Variants in SCYL3 observed in about 807,000 individuals in gnomAD.
SCYL3 encodes the protein SCY1 like pseudokinase 3.
SCYL3 carries 35 observed loss-of-function variants against 73.8 expected under a neutral mutation model. That is an observed-to-expected ratio of 0.47 (90% CI 0.36 to 0.63). SCYL3 has a LOEUF of 0.63. Ranked by LOEUF, SCYL3 falls within the 20% of genes least tolerant of loss-of-function variation. The probability of loss-of-function intolerance (pLI) is 0.00; values close to 1 mark genes in which losing one functional copy is unlikely to be tolerated. For missense variants in SCYL3, 712 were observed against 798.9 expected, an observed-to-expected ratio of 0.89 and a Z score of 1.31; for synonymous variants, 277 against 295.2, an observed-to-expected ratio of 0.94 and a Z score of 0.63.
rs1558102005 is a variant in SCYL3 at position 169,850,556 on chromosome 1, G to A, written c.*3157C>T. 2.4e-6 allele frequency: 1 copy of A among 424,372 alleles called. No individual in the cohort carries two copies. The highest frequency in any genetic ancestry group is 3.1e-5 in the South Asian group (1 of 32,134). 26.3% of individuals were successfully genotyped at this position (424,372 alleles called of 1,614,324 possible). A position where few individuals can be genotyped will look rare whatever the true frequency, so the allele number is the denominator to read the frequency against. ...CTCATGCCTGTAATCCCAGCACTTTGGGAGGCCAAGGTGGGTGGATCATGA... is the reference window on the plus strand; with the variant it reads ...CTCATGCCTGTAATCCCAGCACTTTAGGAGGCCAAGGTGGGTGGATCATGA... On this transcript the variant is annotated 3_prime_UTR_variant, in exon 13 of 13. Transcript: ENST00000367771.
intron 11 of SCYL3, among the ~76,000 whole-genome samples, chr1:169,857,949 T>C (rs1659319034): frequency 6.6e-6 from 1 of 152,186 alleles, no homozygotes; most frequent in African/African-American, 2.4e-5. Flanking sequence ...TAATGATACA[T>C]GGTATACCTG....
intron 5 of SCYL3, among the ~76,000 whole-genome samples, chr1:169,873,253 C>G (rs1660554454): frequency 6.6e-6 from 1 of 152,150 alleles, no homozygotes; most frequent in African/African-American, 2.4e-5. Context: ...GGGAATTTTC[C>G]TGCACAAGCT....
rs2102108547 is a variant in SCYL3, at chr1:169,852,775, A to C, written c.*938T>G. On this transcript the variant is annotated 3_prime_UTR_variant, in exon 13 of 13. Transcript: ENST00000367771. Reference sequence around the variant, plus strand: ...TAGAATGGATATTGTGATATTACTTATGTTTTTTTTCCAGCCTTATGCAAA... The same window carrying C: ...TAGAATGGATATTGTGATATTACTTCTGTTTTTTTTCCAGCCTTATGCAAA... 6.2e-7 allele frequency: 1 copy of C among 1,612,198 alleles called. No homozygotes were observed. The highest frequency in any genetic ancestry group is 1.7e-5 in the Admixed American group (1 of 59,822).
chr1:169,893,173 G>A (rs543175324), intron 1 of SCYL3, among the ~76,000 whole-genome samples: 2 of 152,216 alleles, frequency 1.3e-5, no homozygotes, highest in South Asian at 4.2e-4. Flanking sequence ...TTCGAGACCC[G>A]ACTCCGAGAA....
intron 12 of SCYL3, 65 bp downstream of exon 12, chr1:169,854,205 G>A: frequency 7.9e-7 from 1 of 1,258,792 alleles, no homozygotes; most frequent in Non-Finnish European, 1.1e-6. Context: ...ATGGGATACT[G>A]CAACTAGGAC....
intron 5 of SCYL3, among the ~76,000 whole-genome samples, chr1:169,872,542 AAGG>A (rs1402991607): frequency 6.6e-6 from 1 of 152,210 alleles, no homozygotes; most frequent in Non-Finnish European, 1.5e-5. Context: ...GAGCTGTGAG[AAGG>A]AGGCCAGCAT....
chr1:169,853,831 A>C, intron 12 of SCYL3, 59 bp from the exon 13 acceptor site: 1 of 1,586,496 alleles, frequency 6.3e-7, no homozygotes, highest in East Asian at 2.2e-5. Context: ...CAAAAATCAT[A>C]CGCAAATTTG....
At chr1:169,881,482 C>A (rs925531053) in intron 2 of SCYL3, among the ~76,000 whole-genome samples, 2 of 152,140 alleles carry the variant, frequency 1.3e-5, no homozygotes, top group South Asian at 4.1e-4. Flanking sequence ...CAATCGATTA[C>A]TGTAAACTAG....
chr1:169,871,739 C>T (rs1477650219), intron 5 of SCYL3, among the ~76,000 whole-genome samples: 1 of 152,110 alleles, frequency 6.6e-6, no homozygotes, highest in African/African-American at 2.4e-5. Context: ...GAGGTGGTCT[C>T]AGATGGAGAT....
In SCYL3 at chr1:169,852,757, G is replaced by A; in HGVS notation, c.*956C>T. On this transcript the variant is annotated 3_prime_UTR_variant, in exon 13 of 13. Coordinates refer to ENST00000367771, the MANE Select transcript of SCYL3 (RefSeq NM_020423.7). ...AGGAAGGTTCTTTATATTTAGAATG[G>A]ATATTGTGATATTACTTATGTTTTT... 1 of 1,602,114 alleles carries A rather than the reference G, an allele frequency of 6.2e-7. No homozygotes were observed. The highest frequency in any genetic ancestry group is 1.1e-5 in the South Asian group (1 of 90,300).
At position 169,851,748 on chromosome 1, in the gene SCYL3, G is replaced by A. The variant is rs1558104452; in HGVS notation, c.*1965C>T. On this transcript the variant is annotated 3_prime_UTR_variant, in exon 13 of 13. Coordinates refer to ENST00000367771, the MANE Select transcript of SCYL3 (RefSeq NM_020423.7). ...GTTGAACACTCAGCACTTAAATTATGTGGCCATTTCATATCTAGTAGAGTG... is the reference window on the plus strand; with the variant it reads ...GTTGAACACTCAGCACTTAAATTATATGGCCATTTCATATCTAGTAGAGTG... 7.1e-6 allele frequency: 11 copies of A among 1,554,634 alleles called. No individual in the cohort carries two copies. The highest frequency in any genetic ancestry group is 2.3e-5 in the East Asian group (1 of 44,394).
At position 169,851,926 on chromosome 1, in the gene SCYL3, C is replaced by G; in HGVS notation, c.*1787G>C. ...GTGACTGTAGAAGAAGCAAAGAGGT[C>G]ATCTTTACAGGTATGGGCTGATTTC... On this transcript the variant is annotated 3_prime_UTR_variant, in exon 13 of 13. Coordinates refer to ENST00000367771, the MANE Select transcript of SCYL3 (RefSeq NM_020423.7). 6.2e-7 allele frequency: 1 copy of G among 1,614,022 alleles called. No homozygotes were observed. The highest frequency in any genetic ancestry group is 1.1e-5 in the South Asian group (1 of 91,068).
intron 5 of SCYL3, among the ~76,000 whole-genome samples, chr1:169,871,986 G>C (rs369868944): frequency 1.3e-3 from 194 of 152,328 alleles, no homozygotes; most frequent in African/African-American, 4.5e-3. Flanking sequence ...TTTGCAGCCT[G>C]ACAATGCAAT....
chr1:169,854,738 C>CTCT lies in SCYL3; in HGVS notation c.1536_1538dup (p.Glu513dup), dbSNP rs773017990. The CTCT allele has an allele frequency of 6.4e-5, 103 of 1,614,024 alleles. 1 individual carries two copies. The highest frequency in any genetic ancestry group is 3.3e-4 in the Middle Eastern group (2 of 6,060). ...TGGGCTCGCAGTCATCCCAAGATGA[C>CTCT]TCTTCCACATCCAAGGTAGTGCACT... On this transcript the variant is annotated inframe_insertion, in exon 12 of 13. Transcript: ENST00000367771.
chr1:169,873,636 A>G (rs1365671105), intron 5 of SCYL3, 60 bp downstream of exon 5: 3 of 1,217,400 alleles, frequency 2.5e-6, no homozygotes, highest in African/African-American at 3.1e-5. Context: ...AAAGTTTTTT[A>G]AAATTTCATA....
At chr1:169,883,767 G>A (rs1169124662) in intron 2 of SCYL3, among the ~76,000 whole-genome samples, 2 of 138,212 alleles carry the variant, frequency 1.4e-5, no homozygotes, top group Non-Finnish European at 3.0e-5. Context: ...CACCCAGGCT[G>A]CATTGCAGTG....
At chr1:169,883,493 T>TCA (rs1415586104) in intron 2 of SCYL3, among the ~76,000 whole-genome samples, 1 of 152,174 alleles carries the variant, frequency 6.6e-6, no homozygotes, top group East Asian at 1.9e-4. Context: ...AGGAGAGTGA[T>TCA]GAAATATTTC....
intron 6 of SCYL3, 64 bp from the exon 7 acceptor site, chr1:169,869,103 G>GGA: frequency 7.4e-7 from 1 of 1,355,600 alleles, no homozygotes. Context: ...CTCTATAGCT[G>GGA]GAGACTGCCG....
chr1:169,889,328 T>C (rs142190000), intron 1 of SCYL3, among the ~76,000 whole-genome samples: 26 of 152,280 alleles, frequency 1.7e-4, no homozygotes, highest in Middle Eastern at 6.8e-3. Context: ...AGAATACTTA[T>C]AATGAGGAAA....
Sources: allele counts gnomAD v4.1 joint callset (sites outside exome capture counted in the v4.1 genomes callset), GRCh38; gene constraint gnomAD v4.1.1; transcripts MANE v1.5; gene names NCBI Gene and HGNC (gene_info 2026-07-23, HGNC 2026-07-21).